The following MCF2L variants were observed in gnomAD, a reference collection of about 807,000 sequenced individuals.
The protein encoded by MCF2L is MCF.2 cell line derived transforming sequence like, also known as guanine nucleotide exchange factor DBS.
In MCF2L, 97 loss-of-function variants were observed where a neutral mutation model predicts 153.4. The observed-to-expected ratio is 0.63, with a 90% CI of 0.54 to 0.75. The LOEUF (loss-of-function observed/expected upper bound fraction) is 0.75, where lower values mean the gene tolerates loss of function less well. Ranked by LOEUF, MCF2L falls within the 30% of genes least tolerant of loss-of-function variation. The probability of loss-of-function intolerance (pLI) is 0.00; values close to 1 mark genes in which losing one functional copy is unlikely to be tolerated. For synonymous variants in MCF2L, 659 were observed against 632.2 expected, an observed-to-expected ratio of 1.04 and a Z score of -0.64; for missense variants, 1,347 against 1,495.2, an observed-to-expected ratio of 0.90 and a Z score of 1.64.
rs7986589 is a variant in MCF2L at position 113,088,491 on chromosome 13, C to A, written c.2768-71C>A. 965 of 1,606,254 alleles carry A rather than the reference C, an allele frequency of 6.0e-4. 8 individuals are homozygous for A. The highest frequency in any genetic ancestry group is 6.0e-4 in the Admixed American group (36 of 59,864). ...TGTTCAGAGCAACCGCACAGTCCCC[C>A]CATGCGCAAGGTGCCTCGGCGTTGA... On this transcript the variant is annotated intron_variant, in intron 24 of 29. Transcript: ENST00000535094.
intron 2 of MCF2L, among the ~76,000 whole-genome samples, chr13:112,944,569 C>CTTTT (rs34676086): frequency 5.9e-5 from 6 of 102,178 alleles, no homozygotes; most frequent in East Asian, 3.1e-4. Context: ...TAAACCTGAA[C>CTTTT]TTTTTTTTTT....
At chr13:113,060,862 T>C (rs2031277567) in intron 5 of MCF2L, 150 bp downstream of exon 5, 2 of 1,024,418 alleles carry the variant, frequency 2.0e-6, no homozygotes, top group Non-Finnish European at 2.8e-6. Flanking sequence ...TTGCACCTCC[T>C]CAATGCTGCC....
At chr13:113,077,234 C>G in intron 13 of MCF2L, 23 bp downstream of exon 13, 1 of 1,519,570 alleles carries the variant, frequency 6.6e-7, no homozygotes, top group Non-Finnish European at 8.9e-7. Flanking sequence ...GCCCGGTGCC[C>G]CGGGTGCTGT....
At chr13:112,981,042 G>A (rs1232625582) in intron 1 of MCF2L, among the ~76,000 whole-genome samples, 1 of 151,774 alleles carries the variant, frequency 6.6e-6, no homozygotes, top group African/African-American at 2.4e-5. Flanking sequence ...TCCCTTTCCT[G>A]TGCACTGGGG....
chr13:113,083,503 C>T (rs2142009943), intron 17 of MCF2L, among the ~76,000 whole-genome samples: 1 of 152,316 alleles, frequency 6.6e-6, no homozygotes. Context: ...AGCTGTTGTG[C>T]TCATGCCCCA....
At chr13:112,926,774 A>T (rs1013211696) in intron 2 of MCF2L, among the ~76,000 whole-genome samples, 3 of 151,956 alleles carry the variant, frequency 2.0e-5, no homozygotes, top group Admixed American at 1.3e-4. Context: ...AACTCATAGG[A>T]GCAGAGTGGC....
At chr13:113,094,664 G>A in intron 27 of MCF2L, 29 bp downstream of exon 27, 1 of 1,599,506 alleles carries the variant, frequency 6.3e-7, no homozygotes, top group South Asian at 1.1e-5. Context: ...TGGGCACTTG[G>A]GGTGGGGGCT....
rs769233531 is a variant in MCF2L, at chr13:112,921,465, T to C, written c.169+19094T>C. Among the ~76,000 whole-genome samples, 72 of 152,204 alleles carry C rather than the reference T, an allele frequency of 4.7e-4. 1 individual carries two copies. The highest frequency in any genetic ancestry group is 3.8e-4 in the Non-Finnish European group (26 of 68,032). On this transcript the variant is annotated intron_variant, in intron 2 of 29. Coordinates refer to the MCF2L transcript ENST00000375608. ...TTAGTAAATCAGAGTCTATAGGATT[T>C]GTGTGGAAAACAATCAGGAACCAAA...
intron 5 of MCF2L, among the ~76,000 whole-genome samples, chr13:113,063,299 G>T (rs2031813869): frequency 6.6e-6 from 1 of 152,126 alleles, no homozygotes; most frequent in Non-Finnish European, 1.5e-5. Flanking sequence ...CACCCACAAT[G>T]TCCAGGCGCC....
rs201294447 is a variant in MCF2L, at chr13:112,960,927, C to T, written c.170-53836C>T. Among the ~76,000 whole-genome samples, 3 of 152,222 alleles carry T rather than the reference C, an allele frequency of 2.0e-5. No homozygotes were observed. The highest frequency in any genetic ancestry group is 2.9e-5 in the Non-Finnish European group (2 of 68,028). The stretch of plus-strand genomic sequence containing the variant: ...TGGTACGTGGGGGCCCAGGTTCTAC[C>T]GTGAGTGACTGCAGGCCGTGCCGCA... On this transcript the variant is annotated intron_variant, in intron 2 of 29. Transcript: ENST00000375608. The surrounding 1 kb of genome is among the most constrained non-coding windows in gnomAD (Gnocchi z 4.2).
chr13:112,955,439 T>G (rs2081745661), intron 2 of MCF2L, among the ~76,000 whole-genome samples: 1 of 152,224 alleles, frequency 6.6e-6, no homozygotes, highest in Non-Finnish European at 1.5e-5. Flanking sequence ...CTGAACGTTG[T>G]GACATTGGCT....
At chr13:112,909,711 C>G (rs2993330) in intron 2 of MCF2L, 104,436 of 159,736 alleles carry the variant, frequency 0.65, 35,129 homozygotes, top group East Asian at 0.87. Context: ...GCAATCTCAG[C>G]TCCTTGCGGC....
At chr13:113,055,710 A>C (rs1443570444) in intron 4 of MCF2L, among the ~76,000 whole-genome samples, 3 of 152,166 alleles carry the variant, frequency 2.0e-5, no homozygotes, top group African/African-American at 7.2e-5. Context: ...CACCAGGATC[A>C]CACTCCTGGC....
At chr13:112,897,838 G>A (rs908422933) in intron 1 of MCF2L, among the ~76,000 whole-genome samples, 2 of 152,212 alleles carry the variant, frequency 1.3e-5, no homozygotes, top group African/African-American at 4.8e-5. Flanking sequence ...GGTGAGGGTG[G>A]TGCTGACTGG....
chr13:112,896,506 A>G, intron 1 of MCF2L, among the ~76,000 whole-genome samples: 1 of 151,272 alleles, frequency 6.6e-6, no homozygotes, highest in African/African-American at 2.5e-5. Flanking sequence ...ACGTGGTGGG[A>G]GAAGGCCTGG....
chr13:113,050,811 C>T (rs1482458723), intron 4 of MCF2L, among the ~76,000 whole-genome samples: 1 of 147,736 alleles, frequency 6.8e-6, no homozygotes, highest in Non-Finnish European at 1.5e-5. Flanking sequence ...GGTGCTAACT[C>T]CAGGAGGACT....
chr13:113,026,705 G>A (rs1003149102), intron 3 of MCF2L, among the ~76,000 whole-genome samples: 3 of 152,242 alleles, frequency 2.0e-5, no homozygotes, highest in Non-Finnish European at 2.9e-5. Flanking sequence ...CCCTGGGGGC[G>A]TGGCCGCCTC....
chr13:112,987,890 G>A (rs562436240), intron 1 of MCF2L, among the ~76,000 whole-genome samples: 1 of 152,378 alleles, frequency 6.6e-6, no homozygotes, highest in African/African-American at 2.4e-5. Context: ...ACCCTGCCCA[G>A]CCCACAAGGG....
rs185991203 is a variant in MCF2L at position 112,920,972 on chromosome 13, C to T, written c.169+18601C>T. ...CACGAGGTCAGGAGATTGAGACCAT[C>T]CTGGCTAACATGGTGAAACCTCATC... On this transcript the variant is annotated intron_variant, in intron 2 of 29. Transcript: ENST00000375608. Among the ~76,000 whole-genome samples, 745 of 151,618 alleles carry T rather than the reference C, an allele frequency of 4.9e-3. 3 individuals are homozygous for T. The highest frequency in any genetic ancestry group is 0.017 in the African/African-American group (720 of 41,254).
Sources: gnomAD v4.1 joint callset for allele counts (sites outside exome capture counted in the v4.1 genomes callset) on GRCh38, gnomAD v4.1.1 for gene constraint, Gnocchi (gnomAD v3.1) non-coding constraint, MANE v1.5 for transcripts, NCBI Gene and HGNC (gene_info 2026-07-23, HGNC 2026-07-21) for gene names.